Variants in NOL4 observed in about 807,000 individuals in gnomAD.
The protein encoded by NOL4 is nucleolar protein 4, also known as cancer/testis antigen 125.
Under a neutral mutation model 75.9 loss-of-function variants are expected in NOL4, and 17 were observed. The ratio of observed to expected loss-of-function variants is 0.22; its 90% confidence interval spans 0.15 to 0.34. The LOEUF is 0.34. NOL4 is among the 10% of genes least tolerant of loss of function. NOL4 has a pLI of 1.00. For synonymous variants in NOL4, 292 were observed against 289.9 expected, an observed-to-expected ratio of 1.01 and a Z score of -0.07; for missense variants, 614 against 793.5, an observed-to-expected ratio of 0.77 and a Z score of 2.72.
intron 1 of NOL4, among the ~76,000 whole-genome samples, chr18:34,183,824 A>C (rs1211231942): frequency 6.6e-6 from 1 of 151,890 alleles, no homozygotes; most frequent in Non-Finnish European, 1.5e-5. Context: ...TACAAAAAGG[A>C]AGAATGAGAG....
chr18:34,106,650 T>C (rs1600609814), intron 2 of NOL4, among the ~76,000 whole-genome samples: 2 of 151,550 alleles, frequency 1.3e-5, no homozygotes, highest in East Asian at 3.9e-4. Flanking sequence ...TTTTATATTA[T>C]TTAATAAGAA....
At chr18:33,964,808 T>C (rs1029947710) in intron 6 of NOL4, among the ~76,000 whole-genome samples, 1 of 152,118 alleles carries the variant, frequency 6.6e-6, no homozygotes, top group African/African-American at 2.4e-5. Flanking sequence ...AGAGAGAAGT[T>C]AAATCACACC....
intron 6 of NOL4, among the ~76,000 whole-genome samples, chr18:34,011,254 A>C (rs1293209168): frequency 6.6e-6 from 1 of 151,756 alleles, no homozygotes; most frequent in Non-Finnish European, 1.5e-5. Context: ...TTTTAAATAA[A>C]AATAAAATAA....
chr18:33,919,495 T>C (rs1351415858), intron 9 of NOL4, among the ~76,000 whole-genome samples: 1 of 152,222 alleles, frequency 6.6e-6, no homozygotes, highest in Non-Finnish European at 1.5e-5. Context: ...ACTTCCATAA[T>C]GCATAAGTCA....
At chr18:34,178,863 A>G (rs1370114628) in intron 1 of NOL4, among the ~76,000 whole-genome samples, 1 of 151,702 alleles carries the variant, frequency 6.6e-6, no homozygotes, top group African/African-American at 2.4e-5. Flanking sequence ...GCTACAGAAT[A>G]CTTCATCCAA....
chr18:33,871,519 T>C (rs2063699610), intron 10 of NOL4, among the ~76,000 whole-genome samples: 1 of 151,840 alleles, frequency 6.6e-6, no homozygotes. Flanking sequence ...TTCAGATAGC[T>C]CCCCAGAGGA....
chr18:34,067,688 T>C (rs2077339651), intron 5 of NOL4, among the ~76,000 whole-genome samples: 1 of 152,190 alleles, frequency 6.6e-6, no homozygotes, highest in Non-Finnish European at 1.5e-5. Context: ...CCAAGTCTTT[T>C]GGTCGGAGCA....
At chr18:33,880,385 T>C (rs925583202) in intron 10 of NOL4, among the ~76,000 whole-genome samples, 1 of 151,614 alleles carries the variant, frequency 6.6e-6, no homozygotes, top group Non-Finnish European at 1.5e-5. Context: ...AGGAAAGTTT[T>C]TCTTACCACC....
intron 9 of NOL4, among the ~76,000 whole-genome samples, chr18:33,918,261 G>C (rs1448374437): frequency 2.0e-5 from 3 of 152,160 alleles, no homozygotes; most frequent in Non-Finnish European, 2.9e-5. Context: ...TGGTTTCAAA[G>C]CAGCTCACAG....
intron 10 of NOL4, 31 bp downstream of exon 10, chr18:33,883,213 A>G: frequency 6.5e-7 from 1 of 1,528,142 alleles, no homozygotes; most frequent in South Asian, 1.3e-5. Flanking sequence ...TAATAATTAA[A>G]AAAAAAACAC....
rs1301671683 is a variant in NOL4, at chr18:34,088,683, A to ATT, written c.772+4780_772+4781dup. On this transcript the variant is annotated intron_variant, in intron 5 of 10. Coordinates refer to ENST00000261592, the MANE Select transcript of NOL4 (RefSeq NM_003787.5). ...CAGACGTATATATAACCTTTAAATG[A>ATT]TTTTAACTTAAAAACATTCTTTTAA... Among the ~76,000 whole-genome samples the ATT allele has an allele frequency of 2.0e-5, 3 of 152,194 alleles. No homozygotes were observed. In the East Asian group the frequency reaches 5.8e-4, roughly 29 times the overall value.
chr18:34,084,745 AT>A (rs1451518261), intron 5 of NOL4, among the ~76,000 whole-genome samples: 1 of 152,164 alleles, frequency 6.6e-6, no homozygotes, highest in Non-Finnish European at 1.5e-5. Context: ...CTTTCTTTAT[AT>A]CACCCACAAT....
intron 9 of NOL4, among the ~76,000 whole-genome samples, chr18:33,915,037 G>C (rs1484231161): frequency 6.6e-6 from 1 of 152,084 alleles, no homozygotes; most frequent in Non-Finnish European, 1.5e-5. Flanking sequence ...GGAGAAACCA[G>C]CATAGGCAAG....
At chr18:33,856,467 AAATAATCAT>A (rs2062840731) in intron 10 of NOL4, among the ~76,000 whole-genome samples, 3 of 152,030 alleles carry the variant, frequency 2.0e-5, no homozygotes, top group Non-Finnish European at 4.4e-5. Context: ...TCCATTTCCT[AAATAATCAT>A]GTTTGCTTTA....
intron 1 of NOL4, among the ~76,000 whole-genome samples, chr18:34,148,131 T>C (rs1489334800): frequency 6.6e-6 from 1 of 152,012 alleles, no homozygotes; most frequent in Non-Finnish European, 1.5e-5. Context: ...GCTAGCGATC[T>C]GTCTATTTTG....
chr18:34,100,978 C>T (rs2079018762), intron 4 of NOL4, among the ~76,000 whole-genome samples: 1 of 152,152 alleles, frequency 6.6e-6, no homozygotes, highest in African/African-American at 2.4e-5. Context: ...CAATTCTACC[C>T]TACTTGTTCA....
intron 2 of NOL4, among the ~76,000 whole-genome samples, chr18:34,111,258 T>C (rs565856392): frequency 3.9e-5 from 6 of 152,052 alleles, no homozygotes; most frequent in Non-Finnish European, 7.4e-5. Flanking sequence ...TAATAAAGGG[T>C]TAATTTCAAA....
chr18:34,069,502 T>A (rs1437975783), intron 5 of NOL4, among the ~76,000 whole-genome samples: 2 of 151,160 alleles, frequency 1.3e-5, no homozygotes, highest in Non-Finnish European at 3.0e-5. Context: ...AACTGAAAAA[T>A]TAACAAAACT....
rs2034696232 is a variant in NOL4, at chr18:34,188,858, T to C, written c.264+34132A>G. On this transcript the variant is annotated intron_variant, in intron 1 of 10. Coordinates refer to ENST00000261592, the MANE Select transcript of NOL4 (RefSeq NM_003787.5). ...AGACCCAAATGAATATTCTCACCTA[T>C]ACAAAATTAACATATGAACCCAAGG... Among the ~76,000 whole-genome samples, 4 of 152,166 alleles carry C rather than the reference T, an allele frequency of 2.6e-5. No individual in the cohort carries two copies. In the South Asian group the frequency reaches 8.3e-4, roughly 32 times the overall value.
Sources: allele counts gnomAD v4.1 joint callset (sites outside exome capture counted in the v4.1 genomes callset), GRCh38; gene constraint gnomAD v4.1.1; transcripts MANE v1.5; gene names NCBI Gene and HGNC (gene_info 2026-07-23, HGNC 2026-07-21).